Variants in PTK7 observed in about 807,000 individuals in gnomAD.
The protein encoded by PTK7 is inactive tyrosine-protein kinase 7.
A neutral mutation model predicts 116.6 loss-of-function variants in PTK7; 39 were observed. The observed-to-expected ratio is 0.33, with a 90% CI of 0.26 to 0.44. PTK7 has a LOEUF of 0.44. Ranked by LOEUF, PTK7 falls within the 20% of genes least tolerant of loss-of-function variation. The pLI is 1.00. For synonymous variants in PTK7, 546 were observed against 563.6 expected (o/e 0.97, Z 0.44); for missense variants, 1,169 against 1,425.6 (o/e 0.82, Z 2.90).
chr6:43,076,881 C>G lies in PTK7; in HGVS notation c.79+314C>G. ...GCCGAGAGTTGCTGGCTCTCGGGCCCAGATGGGGAGTTTCTTGTCGGGGGA... is the reference window on the plus strand; with the variant it reads ...GCCGAGAGTTGCTGGCTCTCGGGCCGAGATGGGGAGTTTCTTGTCGGGGGA... On this transcript the variant is annotated intron_variant, in intron 1 of 19. Coordinates refer to ENST00000230419, the MANE Select transcript of PTK7 (RefSeq NM_002821.5). The surrounding 1 kb of genome is among the most constrained non-coding windows in gnomAD (Gnocchi z 5.7). The G allele has an allele frequency of 6.7e-7, 1 of 1,497,216 alleles. No individual in the cohort carries two copies. The allele number at this position is 1,497,216 out of a possible 1,614,324, so 92.7% of individuals were successfully genotyped here.
At position 43,098,916 on chromosome 6, in the gene PTK7, AC is replaced by A. The variant is rs144136900; in HGVS notation, c.79+22351del. 1.8e-3 allele frequency among the ~76,000 whole-genome samples: 273 copies of A among 152,278 alleles called. 1 individual carries two copies. The highest frequency in any genetic ancestry group is 4.7e-3 in the African/African-American group (197 of 41,566). On this transcript the variant is annotated intron_variant, in intron 1 of 19. Coordinates refer to ENST00000230419, the MANE Select transcript of PTK7 (RefSeq NM_002821.5). ...GTTTCATGTTCTTTACATAATACAA[AC>A]CTAAAATAATGGCAAAGTTTGTTTT...
Position 43,160,946 on chromosome 6 carries a change from G to A in PTK7, c.*65G>A. The A allele has an allele frequency of 2.6e-6, 4 of 1,567,410 alleles. No homozygotes were observed. The highest frequency in any genetic ancestry group is 3.5e-6 in the Non-Finnish European group (4 of 1,157,384). Reference sequence around the variant, plus strand: ...ATCTCTAGAGGGAAGCTCACAGCATGATGGGCAAGATCCCTGTCCTCCTGG... The same window carrying A: ...ATCTCTAGAGGGAAGCTCACAGCATAATGGGCAAGATCCCTGTCCTCCTGG... On this transcript the variant is annotated 3_prime_UTR_variant, in exon 20 of 20. Coordinates refer to ENST00000230419, the MANE Select transcript of PTK7 (RefSeq NM_002821.5).
At chr6:43,104,613 A>G (rs569960217) in intron 1 of PTK7, among the ~76,000 whole-genome samples, 1 of 151,892 alleles carries the variant, frequency 6.6e-6, no homozygotes, top group Non-Finnish European at 1.5e-5. Context: ...ACAAAATACA[A>G]CATGGTGAAA....
At chr6:43,110,184 CA>C (rs1768117391) in intron 1 of PTK7, among the ~76,000 whole-genome samples, 1 of 151,158 alleles carries the variant, frequency 6.6e-6, no homozygotes, top group African/African-American at 2.4e-5. Flanking sequence ...GTTTAGAATA[CA>C]AAATACATGC....
At chr6:43,134,994 A>C (rs912106693) in intron 7 of PTK7, among the ~76,000 whole-genome samples, 2 of 152,078 alleles carry the variant, frequency 1.3e-5, no homozygotes, top group Non-Finnish European at 2.9e-5. Flanking sequence ...AAAAGAAAAA[A>C]AATGCAGAAT....
rs1771668650 is a variant in PTK7, at chr6:43,158,844, G to A, written c.2749G>A (p.Gly917Ser). 6.2e-7 allele frequency: 1 copy of A among 1,614,058 alleles called. No homozygotes were observed. ...KVALCTQVAL[G>S]MEHLSNNRFV... ...GGCCCTATGCACCCAGGTAGCCCTG[G>A]GCATGGAGCACCTGTCCAACAACCG... The change falls in exon 18 of 20, where the codon GGC (glycine) becomes AGC (serine). Residue 917 changes from glycine to serine, a missense_variant. Gly to Ser is a moderately conservative substitution (Grantham distance 56). This residue lies in a region of PTK7 where 678 missense variants were observed against 853.8 expected (regional missense o/e 0.79). Transcript: ENST00000230419.
At position 43,139,665 on chromosome 6, in the gene PTK7, G is replaced by T; in HGVS notation, c.1618+140G>T. On this transcript the variant is annotated intron_variant, in intron 10 of 19. Coordinates refer to ENST00000230419, the MANE Select transcript of PTK7 (RefSeq NM_002821.5). This position sits in a 1 kb window ranked among gnomAD's most constrained non-coding sequence, Gnocchi z 4.6. The stretch of plus-strand genomic sequence containing the variant: ...CAGTGCAGGGCTGATGTATAGTTTA[G>T]TTAGGAAGGAAAAAGCCAGACACAG... The T allele has an allele frequency of 2.2e-6, 3 of 1,367,284 alleles. No homozygotes were observed. Among genetic ancestry groups the T allele is most frequent in the Non-Finnish European group, 2.9e-6 (3 of 1,020,114 alleles). 84.7% of individuals were successfully genotyped at this position (1,367,284 alleles called of 1,614,324 possible).
intron 1 of PTK7, among the ~76,000 whole-genome samples, chr6:43,089,042 T>C (rs1276151821): frequency 6.6e-6 from 1 of 152,174 alleles, no homozygotes; most frequent in Non-Finnish European, 1.5e-5. Context: ...CGCTTGGTGC[T>C]CCAGGCCCTG....
chr6:43,160,878 G>C lies in PTK7; in HGVS notation c.3210G>C (p.Pro1070=), dbSNP rs768268207. 2 of 1,613,748 alleles carry C rather than the reference G, an allele frequency of 1.2e-6. No individual in the cohort carries two copies. Among genetic ancestry groups the C allele is most frequent in the Non-Finnish European group, 1.7e-6 (2 of 1,179,978 alleles). The part of the protein sequence containing the change: ...ALGDSTVDSK[P] Reference sequence around the variant, plus strand: ...GAGACAGCACCGTGGACAGCAAGCCGTGAGGAGGGAGCCCGCTCAGGATGG... The same window carrying C: ...GAGACAGCACCGTGGACAGCAAGCCCTGAGGAGGGAGCCCGCTCAGGATGG... Residue 1070 remains proline (P), a synonymous_variant, in exon 20 of 20, where the codon CCG becomes CCC. Transcript: ENST00000230419.
intron 1 of PTK7, among the ~76,000 whole-genome samples, chr6:43,099,308 T>C (rs1334592592): frequency 2.0e-5 from 3 of 151,482 alleles, no homozygotes; most frequent in African/African-American, 7.3e-5. Flanking sequence ...TCATGGCTCA[T>C]TGCAGCCTCG....
intron 1 of PTK7, among the ~76,000 whole-genome samples, chr6:43,116,948 C>T (rs1434966186): frequency 6.6e-6 from 1 of 152,000 alleles, no homozygotes; most frequent in Non-Finnish European, 1.5e-5. Context: ...TTCAGCCTCC[C>T]GAGTAGCTGG....
chr6:43,114,053 C>T (rs916821962), intron 1 of PTK7, among the ~76,000 whole-genome samples: 9 of 141,710 alleles, frequency 6.4e-5, no homozygotes, highest in Non-Finnish European at 9.3e-5. Flanking sequence ...GCTGCTGGGG[C>T]GGGTGGTGGG....
chr6:43,158,467 C>G (rs1771646945), intron 17 of PTK7, among the ~76,000 whole-genome samples: 1 of 152,140 alleles, frequency 6.6e-6, no homozygotes, highest in African/African-American at 2.4e-5. Flanking sequence ...GACCCTGTCA[C>G]TTGAAAATAA....
At chr6:43,077,530 C>T (rs1766124371) in intron 1 of PTK7, among the ~76,000 whole-genome samples, 1 of 152,168 alleles carries the variant, frequency 6.6e-6, no homozygotes, top group Non-Finnish European at 1.5e-5. Context: ...TTGGTCACAC[C>T]TAAGAGTCAT....
intron 7 of PTK7, chr6:43,133,208 A>C (rs1769816295): frequency 5.5e-6 from 1 of 182,552 alleles, no homozygotes; most frequent in African/African-American, 2.4e-5. Context: ...AAATTTCTTT[A>C]CTAAACATAT....
At chr6:43,152,965 T>C (rs1249634178) in intron 17 of PTK7, among the ~76,000 whole-genome samples, 1 of 151,444 alleles carries the variant, frequency 6.6e-6, no homozygotes, top group African/African-American at 2.4e-5. Context: ...TTTGTATTTT[T>C]AGTAGAGATG....
intron 1 of PTK7, among the ~76,000 whole-genome samples, chr6:43,106,592 C>T (rs570223554): frequency 8.5e-4 from 129 of 151,908 alleles, no homozygotes; most frequent in African/African-American, 3.0e-3. Flanking sequence ...AGCCACCACA[C>T]CCGCCCCTTT....
chr6:43,148,176 C>T (rs1277171570), intron 17 of PTK7, among the ~76,000 whole-genome samples: 2 of 151,836 alleles, frequency 1.3e-5, no homozygotes, highest in African/African-American at 2.4e-5. Flanking sequence ...TCATTGGAGC[C>T]CAGGAGGTCG....
intron 1 of PTK7, among the ~76,000 whole-genome samples, chr6:43,090,861 AG>A (rs1766909765): frequency 6.6e-6 from 1 of 152,180 alleles, no homozygotes; most frequent in African/African-American, 2.4e-5. Flanking sequence ...CAGTTTTGTA[AG>A]GAAGGAGCTA....
Sources: allele counts gnomAD v4.1 joint callset (sites outside exome capture counted in the v4.1 genomes callset), GRCh38; gene constraint gnomAD v4.1.1; regional missense constraint gnomAD v4.1.1; non-coding constraint Gnocchi (gnomAD v3.1); transcripts MANE v1.5; gene names NCBI Gene and HGNC (gene_info 2026-07-23, HGNC 2026-07-21).